The following LRRK2 variants were observed in gnomAD, a reference collection of about 807,000 sequenced individuals.
LRRK2 encodes leucine rich repeat kinase 2.
Under a neutral mutation model 302.6 loss-of-function variants are expected in LRRK2, and 203 were observed. The observed-to-expected ratio is 0.67, with a 90% CI of 0.60 to 0.75. LRRK2 has a LOEUF of 0.75. Ranked by LOEUF, LRRK2 falls within the 30% of genes least tolerant of loss-of-function variation. The pLI is 0.00. For missense variants in LRRK2, 2,830 were observed against 2,951.0 expected (o/e 0.96, Z 0.95); for synonymous variants, 1,066 against 1,031.9 (o/e 1.03, Z -0.63).
chr12:40,295,399 T>G (rs184483432), intron 22 of LRRK2, 28 bp from the exon 23 acceptor site: 1 of 1,592,016 alleles, frequency 6.3e-7, no homozygotes, highest in African/African-American at 1.3e-5. Flanking sequence ...TGCTTATATT[T>G]CCATTGTTTG....
intron 39 of LRRK2, among the ~76,000 whole-genome samples, chr12:40,331,293 T>C (rs1430536530): frequency 6.6e-6 from 1 of 152,196 alleles, no homozygotes; most frequent in Non-Finnish European, 1.5e-5. Flanking sequence ...GGTTAGACCA[T>C]AGACTTTTAA....
chr12:40,242,770 C>G (rs997966258), intron 6 of LRRK2, among the ~76,000 whole-genome samples: 1 of 132,672 alleles, frequency 7.5e-6, no homozygotes, highest in Non-Finnish European at 1.6e-5. Context: ...TACAGTCCCA[C>G]CAACAGTGTA....
At chr12:40,263,688 T>C (rs1942878882) in intron 13 of LRRK2, 101 bp from the exon 14 acceptor site, 3 of 823,792 alleles carry the variant, frequency 3.6e-6, no homozygotes, top group South Asian at 1.6e-5. Flanking sequence ...ACAACACATA[T>C]ATTGTGAGAT....
chr12:40,248,318 C>G lies in LRRK2; in HGVS notation c.839-1508C>G, dbSNP rs1280891044. 3.9e-4 allele frequency among the ~76,000 whole-genome samples: 60 copies of G among 152,076 alleles called. 1 individual carries two copies. Among genetic ancestry groups the G allele is most frequent in the Admixed American group, 3.7e-3 (56 of 15,242 alleles). On this transcript the variant is annotated intron_variant, in intron 7 of 50. Transcript: ENST00000298910. ...GATCAGGGAAATGCTACTTGACTGC[C>G]AAATTGTCTAGAACAGCACATTAAA...
At chr12:40,244,807 G>A (rs193074186) in intron 7 of LRRK2, among the ~76,000 whole-genome samples, 39 of 151,282 alleles carry the variant, frequency 2.6e-4, no homozygotes, top group African/African-American at 9.2e-4. Flanking sequence ...TGGGTGCAGC[G>A]CACCAACATG....
At chr12:40,345,924 A>G (rs1413346323) in intron 41 of LRRK2, among the ~76,000 whole-genome samples, 1 of 152,178 alleles carries the variant, frequency 6.6e-6, no homozygotes, top group Non-Finnish European at 1.5e-5. Context: ...CTGTCTATCC[A>G]CGATTATGTC....
chr12:40,283,773 A>G, intron 18 of LRRK2, 102 bp from the exon 19 acceptor site: 2 of 994,426 alleles, frequency 2.0e-6, no homozygotes, highest in East Asian at 2.6e-5. Context: ...TTCATTCCAA[A>G]TTGGAGATGT....
At chr12:40,296,594 T>C (rs1944393400) in intron 23 of LRRK2, among the ~76,000 whole-genome samples, 1 of 151,800 alleles carries the variant, frequency 6.6e-6, no homozygotes, top group African/African-American at 2.4e-5. Context: ...ATCGCACCAC[T>C]GTACTCTAGC....
chr12:40,288,442 A>T (rs1944012904), intron 20 of LRRK2, among the ~76,000 whole-genome samples: 1 of 151,708 alleles, frequency 6.6e-6, no homozygotes, highest in Non-Finnish European at 1.5e-5. Flanking sequence ...GACCCTTAGC[A>T]ATCATTTGCT....
chr12:40,280,931 G>C (rs1943666810), intron 18 of LRRK2, among the ~76,000 whole-genome samples: 1 of 151,862 alleles, frequency 6.6e-6, no homozygotes, highest in Admixed American at 6.6e-5. Flanking sequence ...AGCCAGGCGT[G>C]GTGGCAGGTG....
Position 40,368,070 on chromosome 12 carries a change from G to A in LRRK2, c.*305G>A, listed in dbSNP as rs201674027. 55 of 182,022 alleles carry A rather than the reference G, an allele frequency of 3.0e-4. No homozygotes were observed. Among genetic ancestry groups the A allele is most frequent in the Non-Finnish European group, 5.2e-4 (45 of 87,220 alleles). The allele number at this position is 182,022 out of a possible 1,614,324, so 11.3% of individuals were successfully genotyped here. ...TACTCATACTAAAATTTATAAGGCC[G>A]ATAATTTTTTGTTTTCTTGTCTGTA... On this transcript the variant is annotated 3_prime_UTR_variant, in exon 51 of 51. Transcript: ENST00000298910.
intron 27 of LRRK2, 65 bp from the exon 28 acceptor site, chr12:40,305,720 G>GT: frequency 7.0e-7 from 1 of 1,420,128 alleles, no homozygotes; most frequent in Middle Eastern, 1.7e-4. Context: ...TTCTTATCAC[G>GT]TTTTTTGGCA....
intron 39 of LRRK2, among the ~76,000 whole-genome samples, chr12:40,329,345 G>T (rs968868131): frequency 1.3e-5 from 2 of 152,012 alleles, no homozygotes; most frequent in African/African-American, 4.8e-5. Context: ...CTGACTCCTT[G>T]CTATGTGAGA....
chr12:40,356,136 G>A lies in LRRK2; in HGVS notation c.6792G>A (p.Leu2264=), dbSNP rs983316972. The A allele has an allele frequency of 1.2e-6, 2 of 1,611,896 alleles. No individual in the cohort carries two copies. Among genetic ancestry groups the A allele is most frequent in the East Asian group, 2.2e-5 (1 of 44,790 alleles). Residue 2264 remains leucine (L), a synonymous_variant, in exon 46 of 51, where the codon TTG becomes TTA. Transcript: ENST00000298910. ...SKQSKQKNFL[L]VGTADGKLAI... ...TTAGCAAACAAAAAAATTTTCTTTT[G>A]GTTGGAACCGCTGATGGCAAGTTAG...
chr12:40,336,451 C>T (rs1354510870), intron 40 of LRRK2, among the ~76,000 whole-genome samples: 1 of 152,090 alleles, frequency 6.6e-6, no homozygotes. Context: ...AAAGAAGGGA[C>T]TTTTCGTCTT....
intron 3 of LRRK2, 42 bp from the exon 4 acceptor site, chr12:40,235,584 A>G (rs778675232): frequency 7.5e-7 from 1 of 1,328,354 alleles, no homozygotes; most frequent in Non-Finnish European, 1.1e-6. Context: ...ACTTTTGAGT[A>G]TGATATTTCA....
chr12:40,328,276 G>C, intron 38 of LRRK2, 84 bp from the exon 39 acceptor site: 1 of 1,031,900 alleles, frequency 9.7e-7, no homozygotes. Context: ...ATTTACAACA[G>C]ATATAATTAC....
At chr12:40,351,501 T>C (rs765056314) in intron 43 of LRRK2, 38 bp from the exon 44 acceptor site, 2 of 1,596,356 alleles carry the variant, frequency 1.3e-6, no homozygotes, top group Admixed American at 3.3e-5. Context: ...ATGAGTTAAC[T>C]CGATAAGTAC....
At chr12:40,245,948 C>T (rs1287516906) in intron 7 of LRRK2, among the ~76,000 whole-genome samples, 1 of 151,766 alleles carries the variant, frequency 6.6e-6, no homozygotes, top group Non-Finnish European at 1.5e-5. Flanking sequence ...TATTTCATTT[C>T]CTTGTCTTCT....
Sources: gnomAD v4.1 joint callset for allele counts (sites outside exome capture counted in the v4.1 genomes callset) on GRCh38, gnomAD v4.1.1 for gene constraint, MANE v1.5 for transcripts, NCBI Gene and HGNC (gene_info 2026-07-23, HGNC 2026-07-21) for gene names.